PTPRN2: variants seen among roughly 807,000 people sequenced by gnomAD.
The protein encoded by PTPRN2 is protein tyrosine phosphatase receptor type N2.
PTPRN2 carries 74 observed loss-of-function variants against 118.8 expected under a neutral mutation model. That is an observed-to-expected ratio of 0.62 (90% CI 0.52 to 0.76). The LOEUF (loss-of-function observed/expected upper bound fraction) is 0.76. PTPRN2 is among the 30% of genes least tolerant of loss of function. The pLI, the probability that PTPRN2 is intolerant of heterozygous loss-of-function variation, is 0.00. For missense variants in PTPRN2, 1,481 were observed against 1,394.4 expected (o/e 1.06, Z -0.99); for synonymous variants, 641 against 608.0 (o/e 1.05, Z -0.80).
At chr7:158,270,676 C>A (rs1221923307) in intron 3 of PTPRN2, among the ~76,000 whole-genome samples, 3 of 151,768 alleles carry the variant, frequency 2.0e-5, no homozygotes, top group Admixed American at 2.0e-4. Context: ...CTGTCCCTCT[C>A]CCTGGGAGCT....
intron 1 of PTPRN2, among the ~76,000 whole-genome samples, chr7:158,583,436 C>A (rs950837397): frequency 1.3e-5 from 2 of 152,174 alleles, no homozygotes; most frequent in African/African-American, 4.8e-5. Context: ...CGGAGTAAAG[C>A]AGAGAGAGGA....
At chr7:158,214,513 C>G (rs1827830974) in intron 3 of PTPRN2, among the ~76,000 whole-genome samples, 1 of 152,004 alleles carries the variant, frequency 6.6e-6, no homozygotes, top group African/African-American at 2.4e-5. Flanking sequence ...ATTAACAGCT[C>G]TACCCCAGCA....
At chr7:158,039,940 G>A (rs11974316) in intron 11 of PTPRN2, among the ~76,000 whole-genome samples, 64,735 of 151,960 alleles carry the variant, frequency 0.43, 14,616 homozygotes, top group Non-Finnish European at 0.52. Flanking sequence ...AAATGTTAGA[G>A]ATCAAAATCA....
At chr7:157,870,792 C>T (rs1811001231) in intron 12 of PTPRN2, among the ~76,000 whole-genome samples, 1 of 152,222 alleles carries the variant, frequency 6.6e-6, no homozygotes, top group African/African-American at 2.4e-5. Context: ...GCTGCATGGC[C>T]TCGTGCCAGC....
At chr7:158,282,312 G>GA (rs953682399) in intron 3 of PTPRN2, among the ~76,000 whole-genome samples, 39 of 151,974 alleles carry the variant, frequency 2.6e-4, no homozygotes, top group African/African-American at 9.2e-4. Flanking sequence ...AAAGTAAGAT[G>GA]AAAAAAGAGT....
chr7:158,473,485 G>A (rs539501920), intron 2 of PTPRN2, among the ~76,000 whole-genome samples: 20 of 152,300 alleles, frequency 1.3e-4, no homozygotes, highest in South Asian at 6.2e-4. Flanking sequence ...AGAAGCCTGC[G>A]TATCAGAGAC....
intron 11 of PTPRN2, among the ~76,000 whole-genome samples, chr7:158,048,132 T>TAC (rs111759966): frequency 0.22 from 32,620 of 150,010 alleles, 3,656 homozygotes; most frequent in African/African-American, 0.28. Context: ...CACATATGTA[T>TAC]ACACACACAC....
At chr7:157,639,449 G>C (rs1001396620) in intron 14 of PTPRN2, among the ~76,000 whole-genome samples, 4 of 152,200 alleles carry the variant, frequency 2.6e-5, no homozygotes, top group African/African-American at 9.7e-5. Flanking sequence ...AATTTGCATG[G>C]CATGTGTGTT....
At position 158,103,867 on chromosome 7, in the gene PTPRN2, TA is replaced by T. The variant is rs200491043; in HGVS notation, c.1643+6961del. Among the ~76,000 whole-genome samples the T allele has an allele frequency of 3.7e-3, 562 of 150,456 alleles. 3 individuals carry two copies. Among genetic ancestry groups the T allele is most frequent in the Middle Eastern group, 0.01 (3 of 292 alleles). On this transcript the variant is annotated intron_variant, in intron 10 of 22. Transcript: ENST00000389418. Reference sequence around the variant, plus strand: ...CTGGTTCTTAGAGACAGATTATTATTATTTTTTTTTTTTGAGATGGAGTCTT... The same window carrying T: ...CTGGTTCTTAGAGACAGATTATTATTTTTTTTTTTTTTGAGATGGAGTCTT...
intron 10 of PTPRN2, among the ~76,000 whole-genome samples, chr7:158,103,734 T>C (rs1381443093): frequency 1.3e-5 from 2 of 152,236 alleles, no homozygotes; most frequent in African/African-American, 4.8e-5. Flanking sequence ...CTTGATGTGA[T>C]GGACACCAAT....
chr7:158,253,338 C>G (rs1796808847), intron 3 of PTPRN2, among the ~76,000 whole-genome samples: 1 of 152,318 alleles, frequency 6.6e-6, no homozygotes, highest in African/African-American at 2.4e-5. Flanking sequence ...GCGGGCGGGG[C>G]TCTGCCCATT....
chr7:158,310,343 G>A (rs1303719223), intron 3 of PTPRN2, among the ~76,000 whole-genome samples: 3 of 152,260 alleles, frequency 2.0e-5, no homozygotes, highest in African/African-American at 7.2e-5. Flanking sequence ...CGGCCATCAT[G>A]AATGGAATGC....
chr7:158,252,117 C>T (rs564634465), intron 3 of PTPRN2, among the ~76,000 whole-genome samples: 3 of 152,292 alleles, frequency 2.0e-5, no homozygotes, highest in East Asian at 1.9e-4. Flanking sequence ...CCTGCCTCTC[C>T]AGTTGCCATG....
At chr7:157,837,945 C>A (rs866449885) in intron 12 of PTPRN2, among the ~76,000 whole-genome samples, 4 of 152,206 alleles carry the variant, frequency 2.6e-5, no homozygotes, top group Non-Finnish European at 4.4e-5. Flanking sequence ...CGTGGCTACT[C>A]CAGTTCCTCT....
rs79017554 is a variant in PTPRN2, at chr7:157,984,237, G to T, written c.1724-85500C>A. 5.1e-3 allele frequency among the ~76,000 whole-genome samples: 720 copies of T among 140,130 alleles called. 16 individuals carry two copies. The highest frequency in any genetic ancestry group is 0.043 in the South Asian group (187 of 4,352). 91.9% of individuals were successfully genotyped at this position (140,130 alleles called of 152,430 possible). On this transcript the variant is annotated intron_variant, in intron 11 of 22. Coordinates refer to ENST00000389418, the MANE Select transcript of PTPRN2 (RefSeq NM_002847.5). ...TCTTCACCTGAAACCACCGCCCCAC[G>T]CCAGGCTCCACCTCCCCACGCCAGG...
In PTPRN2 at chr7:158,546,776, T is replaced by A. The variant is rs1321575689; in HGVS notation, c.112+40782A>T. Among the ~76,000 whole-genome samples, 1 of 152,196 alleles carries A rather than the reference T, an allele frequency of 6.6e-6. No individual in the cohort carries two copies. The highest frequency in any genetic ancestry group is 1.5e-5 in the Non-Finnish European group (1 of 68,022). The stretch of plus-strand genomic sequence containing the variant: ...ACGGCCAGCGCCTGCCAAGTTCTTG[T>A]GAGTTGAGCACGTCTCACGTATGCA... On this transcript the variant is annotated intron_variant, in intron 1 of 22. Coordinates refer to ENST00000389418, the MANE Select transcript of PTPRN2 (RefSeq NM_002847.5). The surrounding 1 kb of genome is among the most constrained non-coding windows in gnomAD (Gnocchi z 5.0).
chr7:158,334,568 T>TCACACCCACACTCTCACCATAAGAGCCGA (rs1805210667), intron 2 of PTPRN2, among the ~76,000 whole-genome samples: 1 of 59,352 alleles, frequency 1.7e-5, no homozygotes, highest in Non-Finnish European at 3.3e-5. Flanking sequence ...ATAAGAGCTC[T>TCACACCCACACTCTCACCATAAGAGCCGA]CGCCCACAGA....
At chr7:157,852,239 C>T (rs1809331200) in intron 12 of PTPRN2, among the ~76,000 whole-genome samples, 1 of 152,216 alleles carries the variant, frequency 6.6e-6, no homozygotes, top group Admixed American at 6.5e-5. Context: ...AAGCTTTCAC[C>T]TGAAGGCACA....
chr7:157,913,876 G>A (rs1798230168), intron 11 of PTPRN2, among the ~76,000 whole-genome samples: 1 of 152,192 alleles, frequency 6.6e-6, no homozygotes, highest in African/African-American at 2.4e-5. Flanking sequence ...GATGTTTTGT[G>A]TATGAGTGCA....
Sources: gnomAD v4.1 joint callset for allele counts (sites outside exome capture counted in the v4.1 genomes callset) on GRCh38, gnomAD v4.1.1 for gene constraint, Gnocchi (gnomAD v3.1) non-coding constraint, MANE v1.5 for transcripts, NCBI Gene and HGNC (gene_info 2026-07-23, HGNC 2026-07-21) for gene names.